Variants in FANCC observed in about 807,000 individuals in gnomAD.
FANCC encodes Fanconi anemia group C protein.
In FANCC, 55 loss-of-function variants were observed where a neutral mutation model predicts 71.3. The observed-to-expected ratio is 0.77, with a 90% CI of 0.62 to 0.97. The LOEUF (loss-of-function observed/expected upper bound fraction) is 0.97. Among genes scored for constraint, FANCC ranks in the 50% least tolerant of loss-of-function variants. The pLI is 0.00. For synonymous variants in FANCC, 275 were observed against 244.9 expected (o/e 1.12, Z -1.15); for missense variants, 678 against 670.9 (o/e 1.01, Z -0.12).
At chr9:95,277,556 C>T (rs896149921) in intron 1 of FANCC, among the ~76,000 whole-genome samples, 7 of 152,124 alleles carry the variant, frequency 4.6e-5, no homozygotes, top group Admixed American at 2.0e-4. Context: ...TTTATTGGCA[C>T]TTGGGAACAT....
chr9:95,152,459 G>A (rs1258711185), intron 6 of FANCC, among the ~76,000 whole-genome samples: 1 of 152,168 alleles, frequency 6.6e-6, no homozygotes, highest in Non-Finnish European at 1.5e-5. Context: ...AAAAGCAAAG[G>A]CCCTCAGCAT....
chr9:95,176,608 G>A lies in FANCC; in HGVS notation c.346-4461C>T, dbSNP rs12683182. On this transcript the variant is annotated intron_variant, in intron 4 of 14. Transcript: ENST00000289081. ...GTGTGAGGCACTATGTTCTCTAAGT[G>A]TGGCATCTCACTGAAAATCCCAGGC... Among the ~76,000 whole-genome samples the A allele has an allele frequency of 3.3e-3, 509 of 152,350 alleles. 9 individuals are homozygous for A. The East Asian group carries it at 0.044, about 13-fold the overall frequency.
chr9:95,269,783 T>C (rs1338186984), intron 1 of FANCC, among the ~76,000 whole-genome samples: 2 of 152,076 alleles, frequency 1.3e-5, no homozygotes, highest in South Asian at 2.1e-4. Context: ...TAGGGGTGGG[T>C]TGCCCCTACA....
chr9:95,212,832 A>G (rs1356314307), intron 4 of FANCC, among the ~76,000 whole-genome samples: 1 of 152,224 alleles, frequency 6.6e-6, no homozygotes, highest in Non-Finnish European at 1.5e-5. Context: ...ATGTGGCTGT[A>G]GACTGTGATG....
intron 7 of FANCC, among the ~76,000 whole-genome samples, chr9:95,148,448 C>T (rs1330877410): frequency 6.6e-6 from 1 of 152,204 alleles, no homozygotes; most frequent in Non-Finnish European, 1.5e-5. Context: ...AGCAAAGTGA[C>T]TCAGTCCCCT....
chr9:95,288,399 C>T lies in FANCC; in HGVS notation c.-79+29127G>A, dbSNP rs117140041. 1.6e-3 allele frequency among the ~76,000 whole-genome samples: 239 copies of T among 152,280 alleles called. 4 individuals are homozygous for T. In the East Asian group the frequency reaches 0.032, roughly 20 times the overall value. On this transcript the variant is annotated intron_variant, in intron 1 of 14. Coordinates refer to ENST00000289081, the MANE Select transcript of FANCC (RefSeq NM_000136.3). ...TGTCAAGGGATTTTCTTTACCTGCC[C>T]AGCTACTTGAAAACCGCTAGGCTAT...
chr9:95,252,390 T>C (rs904000036), intron 1 of FANCC, among the ~76,000 whole-genome samples: 9 of 151,978 alleles, frequency 5.9e-5, no homozygotes, highest in African/African-American at 2.2e-4. Flanking sequence ...GTTTAGATAT[T>C]TGGGAACCCA....
intron 10 of FANCC, among the ~76,000 whole-genome samples, chr9:95,121,378 T>G (rs1046853180): frequency 6.6e-6 from 1 of 152,218 alleles, no homozygotes; most frequent in African/African-American, 2.4e-5. Context: ...TGAGTGCTTC[T>G]GATGATAGGA....
intron 1 of FANCC, among the ~76,000 whole-genome samples, chr9:95,254,961 G>T (rs940855178): frequency 6.6e-6 from 1 of 152,066 alleles, no homozygotes; most frequent in Non-Finnish European, 1.5e-5. Context: ...AAAGCCGCAG[G>T]GATGTTCGCT....
chr9:95,108,495 G>T (rs1219256348), intron 13 of FANCC, among the ~76,000 whole-genome samples: 2 of 152,232 alleles, frequency 1.3e-5, no homozygotes, highest in Non-Finnish European at 2.9e-5. Context: ...CTAAGATGGG[G>T]TCTATCTTCC....
intron 12 of FANCC, 169 bp downstream of exon 12, chr9:95,114,460 C>T: frequency 1.4e-6 from 1 of 720,340 alleles, no homozygotes; most frequent in East Asian, 2.6e-5. Flanking sequence ...TCCAAGCCAT[C>T]CGTGCAGCCA....
intron 4 of FANCC, among the ~76,000 whole-genome samples, chr9:95,227,888 C>T (rs1667551830): frequency 6.6e-6 from 1 of 152,176 alleles, no homozygotes; most frequent in Non-Finnish European, 1.5e-5. Context: ...CTCCTAGTAC[C>T]ATACAGGCCC....
intron 1 of FANCC, among the ~76,000 whole-genome samples, chr9:95,283,422 A>C (rs1183581831): frequency 6.6e-6 from 1 of 152,224 alleles, no homozygotes; most frequent in African/African-American, 2.4e-5. Flanking sequence ...TGCAACATTC[A>C]GCTCTTCAAG....
chr9:95,158,478 A>G (rs936419810), intron 6 of FANCC, among the ~76,000 whole-genome samples: 2 of 152,234 alleles, frequency 1.3e-5, no homozygotes, highest in African/African-American at 2.4e-5. Context: ...ATTTGAGGAG[A>G]AAAGACAAAC....
intron 1 of FANCC, among the ~76,000 whole-genome samples, chr9:95,254,927 C>T (rs1164466069): frequency 6.6e-6 from 1 of 152,112 alleles, no homozygotes; most frequent in Non-Finnish European, 1.5e-5. Context: ...CTTGAGAAGG[C>T]GGTTCTCCCC....
intron 11 of FANCC, among the ~76,000 whole-genome samples, chr9:95,115,730 G>C (rs957023493): frequency 1.3e-5 from 2 of 152,184 alleles, no homozygotes; most frequent in African/African-American, 4.8e-5. Context: ...CACAAGGCCA[G>C]CGCCTCCCTC....
chr9:95,207,828 T>C (rs1054826742), intron 4 of FANCC, among the ~76,000 whole-genome samples: 1 of 152,112 alleles, frequency 6.6e-6, no homozygotes. Context: ...ACTTAACAAA[T>C]TTTACTTCAT....
rs2071056290 is a variant in FANCC, at chr9:95,101,065, AG to A, written c.*641del. 2 of 235,072 alleles carry A rather than the reference AG, an allele frequency of 8.5e-6. No homozygotes were observed. Among genetic ancestry groups the A allele is most frequent in the African/African-American group, 4.4e-5 (2 of 45,472 alleles). 14.6% of individuals were successfully genotyped at this position (235,072 alleles called of 1,614,324 possible). On this transcript the variant is annotated 3_prime_UTR_variant, in exon 15 of 15. Coordinates refer to ENST00000289081, the MANE Select transcript of FANCC (RefSeq NM_000136.3). ...GCCTGCCGGCTCCTCTGATGTCCCA[AG>A]GGCCTTTTGGTAGCAGTTAGCATCA...
At chr9:95,271,188 G>C (rs1832694092) in intron 1 of FANCC, among the ~76,000 whole-genome samples, 1 of 152,156 alleles carries the variant, frequency 6.6e-6, no homozygotes, top group Admixed American at 6.6e-5. Flanking sequence ...CCAAGCACAG[G>C]ACAGTCTCCC....
Sources: allele counts gnomAD v4.1 joint callset (sites outside exome capture counted in the v4.1 genomes callset), GRCh38; gene constraint gnomAD v4.1.1; transcripts MANE v1.5; gene names NCBI Gene and HGNC (gene_info 2026-07-23, HGNC 2026-07-21).